Variants in MAD1L1 observed in about 807,000 individuals in gnomAD.
MAD1L1 encodes the protein mitotic arrest deficient 1 like 1.
In MAD1L1, 95 loss-of-function variants were observed where a neutral mutation model predicts 96.9. That is an observed-to-expected ratio of 0.98 (90% CI 0.83 to 1.16). The LOEUF (loss-of-function observed/expected upper bound fraction) is 1.16. Ranked by LOEUF, MAD1L1 falls within the 50% of genes most tolerant of loss-of-function variation. The probability of loss-of-function intolerance (pLI) is 0.00; values close to 1 mark genes in which losing one functional copy is unlikely to be tolerated. For missense variants in MAD1L1, 1,007 were observed against 954.4 expected (o/e 1.06, Z -0.73); for synonymous variants, 473 against 396.6 (o/e 1.19, Z -2.29).
At chr7:2,169,111 G>A (rs150363048) in intron 10 of MAD1L1, among the ~76,000 whole-genome samples, 11 of 152,346 alleles carry the variant, frequency 7.2e-5, no homozygotes, top group Non-Finnish European at 1.0e-4. Context: ...CAAACGATCC[G>A]TGACAGGACA....
chr7:1,907,136 C>A (rs1787685489), intron 17 of MAD1L1, among the ~76,000 whole-genome samples: 3 of 152,140 alleles, frequency 2.0e-5, no homozygotes, highest in African/African-American at 7.2e-5. Flanking sequence ...GGCCTCAGAG[C>A]AGCTCCCAGC....
intron 12 of MAD1L1, among the ~76,000 whole-genome samples, chr7:2,026,791 T>C (rs774127032): frequency 3.9e-5 from 6 of 152,142 alleles, no homozygotes; most frequent in African/African-American, 7.2e-5. Flanking sequence ...TGCAACTAAA[T>C]TGACAACCTT....
At chr7:2,096,680 C>T (rs1786506992) in intron 11 of MAD1L1, among the ~76,000 whole-genome samples, 3 of 152,162 alleles carry the variant, frequency 2.0e-5, no homozygotes, top group African/African-American at 7.2e-5. Context: ...CAGACTCAGC[C>T]TCAGAGAACC....
chr7:1,875,381 A>G (rs1241090319), intron 18 of MAD1L1, among the ~76,000 whole-genome samples: 4 of 152,116 alleles, frequency 2.6e-5, no homozygotes, highest in Admixed American at 6.5e-5. Flanking sequence ...GCCCTCCTCG[A>G]CCCCAGATGC....
chr7:1,964,907 G>T (rs1461845327), intron 15 of MAD1L1, among the ~76,000 whole-genome samples: 1 of 152,204 alleles, frequency 6.6e-6, no homozygotes, highest in Non-Finnish European at 1.5e-5. Context: ...GGGACAGTAG[G>T]GAGACCCGAG....
intron 17 of MAD1L1, among the ~76,000 whole-genome samples, chr7:1,915,714 A>G (rs1046801803): frequency 6.6e-6 from 1 of 152,356 alleles, no homozygotes; most frequent in East Asian, 1.9e-4. Flanking sequence ...CCACGGGGAA[A>G]GAAAAGTCTT....
chr7:2,169,274 G>A lies in MAD1L1; in HGVS notation c.987-20036C>T, dbSNP rs116151403. On this transcript the variant is annotated intron_variant, in intron 10 of 18. Coordinates refer to ENST00000265854, the MANE Select transcript of MAD1L1 (RefSeq NM_001013836.2). Reference sequence around the variant, plus strand: ...AGGTAAACCGGAATCTCCTAAGAGCGGGTAGGGATGCGACTGGTGGGATTA... The same window carrying A: ...AGGTAAACCGGAATCTCCTAAGAGCAGGTAGGGATGCGACTGGTGGGATTA... Among the ~76,000 whole-genome samples the A allele has an allele frequency of 9.0e-3, 1,365 of 152,250 alleles. 21 individuals carry two copies. Among genetic ancestry groups the A allele is most frequent in the African/African-American group, 0.031 (1,274 of 41,520 alleles).
rs536838401 is a variant in MAD1L1, at chr7:1,945,369, G to A, written c.1597-8472C>T. Among the ~76,000 whole-genome samples, 18 of 152,366 alleles carry A rather than the reference G, an allele frequency of 1.2e-4. No homozygotes were observed. The South Asian group carries it at 2.1e-3, about 18-fold the overall frequency. ...TGCTGAATGAATGCATGATGATGATGAACACTTACTACACTCGGATGTGCT... is the reference window on the plus strand; with the variant it reads ...TGCTGAATGAATGCATGATGATGATAAACACTTACTACACTCGGATGTGCT... On this transcript the variant is annotated intron_variant, in intron 16 of 18. Transcript: ENST00000265854.
intron 17 of MAD1L1, among the ~76,000 whole-genome samples, chr7:1,911,286 A>G (rs866633337): frequency 3.3e-5 from 5 of 152,014 alleles, no homozygotes; most frequent in African/African-American, 7.3e-5. Context: ...ACTAGAGTCC[A>G]AATTCTACTT....
At position 2,119,431 on chromosome 7, in the gene MAD1L1, G is replaced by A. The variant is rs1039172940; in HGVS notation, c.1073+29721C>T. ...CCAGATGCGATGAGCAGGAGCTGTC[G>A]TGGGGCGCACACTCTCTGTAGCTGG... On this transcript the variant is annotated intron_variant, in intron 11 of 18. Coordinates refer to ENST00000265854, the MANE Select transcript of MAD1L1 (RefSeq NM_001013836.2). This position sits in a 1 kb window ranked among gnomAD's most constrained non-coding sequence, Gnocchi z 4.6. Among the ~76,000 whole-genome samples the A allele has an allele frequency of 2.6e-5, 4 of 152,142 alleles. No individual in the cohort carries two copies. The highest frequency in any genetic ancestry group is 1.3e-4 in the Admixed American group (2 of 15,282).
chr7:2,063,550 C>T (rs934725931), intron 12 of MAD1L1, among the ~76,000 whole-genome samples: 3 of 152,262 alleles, frequency 2.0e-5, no homozygotes, highest in Admixed American at 6.5e-5. Context: ...CTTGCCTCTG[C>T]TCCATGTCCC....
intron 11 of MAD1L1, among the ~76,000 whole-genome samples, chr7:2,120,649 C>A (rs1310478685): frequency 6.6e-6 from 1 of 152,346 alleles, no homozygotes; most frequent in African/African-American, 2.4e-5. Context: ...TGCTCTGTTT[C>A]CCCAACAACA....
intron 12 of MAD1L1, among the ~76,000 whole-genome samples, chr7:2,067,888 G>A (rs1784952332): frequency 6.6e-6 from 1 of 152,270 alleles, no homozygotes; most frequent in South Asian, 2.1e-4. Flanking sequence ...TGGTGCCACT[G>A]CCTGGCCCCG....
At chr7:1,893,058 G>A (rs551706409) in intron 18 of MAD1L1, among the ~76,000 whole-genome samples, 5 of 152,342 alleles carry the variant, frequency 3.3e-5, no homozygotes, top group African/African-American at 9.6e-5. Flanking sequence ...CCCCGCTCCA[G>A]GCCCAGGCAG....
chr7:2,024,742 C>T (rs751540659), intron 12 of MAD1L1, among the ~76,000 whole-genome samples: 57 of 152,086 alleles, frequency 3.7e-4, no homozygotes, highest in Admixed American at 3.2e-3. Flanking sequence ...ACTTTGGCGA[C>T]GACCCCAGCC....
chr7:2,033,684 G>C (rs764287212), intron 12 of MAD1L1, among the ~76,000 whole-genome samples: 1 of 152,228 alleles, frequency 6.6e-6, no homozygotes, highest in African/African-American at 2.4e-5. Flanking sequence ...CACTCAGCAC[G>C]AGTGAGGCCA....
At chr7:1,825,145 G>A (rs980644702) in intron 18 of MAD1L1, among the ~76,000 whole-genome samples, 1 of 152,172 alleles carries the variant, frequency 6.6e-6, no homozygotes, top group Non-Finnish European at 1.5e-5. Flanking sequence ...CTGCAAGAGC[G>A]GAACAGCTTC....
chr7:2,189,969 A>G (rs1381929985), intron 10 of MAD1L1, among the ~76,000 whole-genome samples: 3 of 152,202 alleles, frequency 2.0e-5, no homozygotes, highest in African/African-American at 7.2e-5. Context: ...TGCCCAGGTA[A>G]AACTGCACTG....
At chr7:2,042,066 CGTACACACATAT>C (rs1783700763) in intron 12 of MAD1L1, among the ~76,000 whole-genome samples, 1 of 151,878 alleles carries the variant, frequency 6.6e-6, no homozygotes, top group South Asian at 2.1e-4. Context: ...CACAGATGCA[CGTACACACATAT>C]GTACACACAC....
Sources: allele counts gnomAD v4.1 joint callset (sites outside exome capture counted in the v4.1 genomes callset), GRCh38; gene constraint gnomAD v4.1.1; non-coding constraint Gnocchi (gnomAD v3.1); transcripts MANE v1.5; gene names NCBI Gene and HGNC (gene_info 2026-07-23, HGNC 2026-07-21).